The following VTI1A variants were observed in gnomAD, a reference collection of about 807,000 sequenced individuals.
The protein encoded by VTI1A is vesicle transport through interaction with t-SNAREs homolog 1A.
In VTI1A, 22 loss-of-function variants were observed where a neutral mutation model predicts 34.9. That is an observed-to-expected ratio of 0.63 (90% CI 0.45 to 0.90). VTI1A has a LOEUF of 0.90. VTI1A is among the 40% of genes least tolerant of loss of function. The probability of loss-of-function intolerance (pLI) is 0.00; values close to 1 mark genes in which losing one functional copy is unlikely to be tolerated. For missense variants in VTI1A, 268 were observed against 275.6 expected (o/e 0.97, Z 0.20); for synonymous variants, 87 against 97.3 (o/e 0.89, Z 0.62).
At chr10:112,650,331 C>G (rs954833845) in intron 5 of VTI1A, among the ~76,000 whole-genome samples, 4 of 152,078 alleles carry the variant, frequency 2.6e-5, no homozygotes, top group African/African-American at 7.2e-5. Flanking sequence ...TGTCTTCTAC[C>G]CGCACAACTT....
intron 7 of VTI1A, among the ~76,000 whole-genome samples, chr10:112,796,447 G>T (rs567136125): frequency 2.0e-5 from 3 of 151,960 alleles, no homozygotes; most frequent in Non-Finnish European, 2.9e-5. Context: ...TCTGCAAGGG[G>T]TGTGAGAAGG....
chr10:112,526,635 A>G (rs73365042), intron 3 of VTI1A, among the ~76,000 whole-genome samples: 211 of 152,122 alleles, frequency 1.4e-3, no homozygotes, highest in African/African-American at 4.9e-3. Context: ...AGATATAATT[A>G]TTATCCTAGT....
At chr10:112,846,108 C>T in the VTI1A span, among the ~76,000 whole-genome samples, 13 of 152,284 alleles carry the variant, frequency 8.5e-5, no homozygotes, top group African/African-American at 2.6e-4. Flanking sequence ...TGGGAACTTG[C>T]GTAACAGATA....
intron 7 of VTI1A, among the ~76,000 whole-genome samples, chr10:112,727,473 C>T (rs971098677): frequency 6.6e-6 from 1 of 151,784 alleles, no homozygotes; most frequent in Non-Finnish European, 1.5e-5. Context: ...AAGCTACTTA[C>T]ATGAAAAAAA....
In VTI1A at chr10:112,766,735, C is replaced by A. The variant is rs192672063; in HGVS notation, c.561-48555C>A. ...TTAGCAAGGGTGCTGGAAAACAGGT[C>A]TTGTATGCATCTTCATAAACCTTTT... On this transcript the variant is annotated intron_variant, in intron 7 of 7. Coordinates refer to ENST00000393077, the MANE Select transcript of VTI1A (RefSeq NM_145206.4). Among the ~76,000 whole-genome samples, 494 of 152,326 alleles carry A rather than the reference C, an allele frequency of 3.2e-3. 2 individuals carry two copies. The highest frequency in any genetic ancestry group is 0.011 in the African/African-American group (457 of 41,568).
At chr10:112,721,632 C>G (rs1849809674) in intron 7 of VTI1A, among the ~76,000 whole-genome samples, 1 of 152,122 alleles carries the variant, frequency 6.6e-6, no homozygotes, top group African/African-American at 2.4e-5. Context: ...CTCTTGGCTC[C>G]CATGTAGTCC....
chr10:112,673,344 G>T (rs1216828898), intron 7 of VTI1A, among the ~76,000 whole-genome samples: 1 of 149,864 alleles, frequency 6.7e-6, no homozygotes. Context: ...AAAAGGAAAA[G>T]AAAAGAAGGA....
chr10:112,450,647 C>T (rs1847203801), intron 1 of VTI1A: 1 of 152,086 alleles, frequency 6.6e-6, no homozygotes, highest in Admixed American at 6.5e-5. Flanking sequence ...GAAGAGTGAA[C>T]ATTTAAAAAT....
intron 7 of VTI1A, among the ~76,000 whole-genome samples, chr10:112,690,041 C>G (rs891584813): frequency 1.3e-5 from 2 of 152,026 alleles, no homozygotes. Context: ...TATATGACTT[C>G]TTTCATTTGC....
intron 7 of VTI1A, among the ~76,000 whole-genome samples, chr10:112,727,028 A>C (rs549550460): frequency 6.6e-6 from 1 of 152,346 alleles, no homozygotes; most frequent in South Asian, 2.1e-4. Flanking sequence ...CACAACATGC[A>C]AGCATATGGT....
chr10:112,543,140 G>A (rs911980550), intron 5 of VTI1A, among the ~76,000 whole-genome samples: 5 of 152,154 alleles, frequency 3.3e-5, no homozygotes, highest in Admixed American at 2.0e-4. Flanking sequence ...ATGAACATAC[G>A]TGTGCATGTG....
chr10:112,509,910 T>G (rs999034297), intron 3 of VTI1A, among the ~76,000 whole-genome samples: 1 of 152,198 alleles, frequency 6.6e-6, no homozygotes, highest in Non-Finnish European at 1.5e-5. Flanking sequence ...TTAAGATACA[T>G]TCAGTGTAAG....
At position 112,737,293 on chromosome 10, in the gene VTI1A, A is replaced by G. The variant is rs559489202; in HGVS notation, c.560+68295A>G. 2.9e-4 allele frequency: 288 copies of G among 980,568 alleles called. No individual in the cohort carries two copies. In the African/African-American group the frequency reaches 4.5e-3, roughly 15 times the overall value. 60.7% of individuals were successfully genotyped at this position (980,568 alleles called of 1,614,324 possible). A position where few individuals can be genotyped will look rare whatever the true frequency, so the allele number is the denominator to read the frequency against. The stretch of plus-strand genomic sequence containing the variant: ...GAGATGGAGTTTCACCATGTTGGCC[A>G]GGATGGTCTCGATCTCTTAACCTTG... On this transcript the variant is annotated intron_variant, in intron 7 of 7. Coordinates refer to ENST00000393077, the MANE Select transcript of VTI1A (RefSeq NM_145206.4).
chr10:112,538,845 C>T lies in VTI1A; in HGVS notation c.427+515C>T, dbSNP rs72821894. ...CATGAATAGAGCCTATAATCAGATA[C>T]GAAAATTATGAAAAAGTCATAGCAA... is the stretch of plus-strand genomic sequence containing the variant. On this transcript the variant is annotated intron_variant, in intron 5 of 7. Coordinates refer to ENST00000393077, the MANE Select transcript of VTI1A (RefSeq NM_145206.4). Among the ~76,000 whole-genome samples, 419 of 151,896 alleles carry T rather than the reference C, an allele frequency of 2.8e-3. 1 individual carries two copies. Among genetic ancestry groups the T allele is most frequent in the African/African-American group, 7.4e-3 (305 of 41,420 alleles).
chr10:112,464,289 C>T (rs1169166312), intron 2 of VTI1A, among the ~76,000 whole-genome samples: 3 of 152,238 alleles, frequency 2.0e-5, no homozygotes, highest in Admixed American at 6.5e-5. Flanking sequence ...TGAGCCACGG[C>T]GCCTGGCCAA....
chr10:112,653,367 A>G (rs1005356514), intron 5 of VTI1A, among the ~76,000 whole-genome samples: 4 of 152,162 alleles, frequency 2.6e-5, no homozygotes, highest in African/African-American at 9.7e-5. Context: ...TATAATGTCT[A>G]GCTTCCTTCT....
chr10:112,797,498 C>A (rs1852712949), intron 7 of VTI1A, among the ~76,000 whole-genome samples: 1 of 152,060 alleles, frequency 6.6e-6, no homozygotes, highest in Non-Finnish European at 1.5e-5. Context: ...GGCCCCGAGT[C>A]CCAAGTTTGG....
intron 1 of VTI1A, chr10:112,450,858 G>T (rs1359061638): frequency 6.6e-6 from 1 of 152,148 alleles, no homozygotes; most frequent in Non-Finnish European, 1.5e-5. Flanking sequence ...GAAAAGGGAT[G>T]AGCAGAAACT....
At chr10:112,482,538 A>G (rs1848488554) in intron 3 of VTI1A, among the ~76,000 whole-genome samples, 1 of 152,176 alleles carries the variant, frequency 6.6e-6, no homozygotes, top group South Asian at 2.1e-4. Flanking sequence ...GCTCACACTA[A>G]TATTTAAAAT....
Sources: allele counts gnomAD v4.1 joint callset (sites outside exome capture counted in the v4.1 genomes callset), GRCh38; gene constraint gnomAD v4.1.1; transcripts MANE v1.5; gene names NCBI Gene and HGNC (gene_info 2026-07-23, HGNC 2026-07-21).